SDK1: variants seen among roughly 807,000 people sequenced by gnomAD.
SDK1 encodes sidekick cell adhesion molecule 1, also known as protein sidekick-1.
A neutral mutation model predicts 245.5 loss-of-function variants in SDK1; 157 were observed. The ratio of observed to expected loss-of-function variants is 0.64; its 90% CI spans 0.56 to 0.73. The LOEUF is 0.73. SDK1 is among the 30% of genes least tolerant of loss of function. The pLI is 0.00. For synonymous variants in SDK1, 1,647 were observed against 1,278.5 expected (o/e 1.29, Z -6.15); for missense variants, 3,583 against 3,002.3 (o/e 1.19, Z -4.52).
chr7:4,191,921 A>T (rs1783230415), intron 35 of SDK1, among the ~76,000 whole-genome samples: 1 of 152,180 alleles, frequency 6.6e-6, no homozygotes, highest in Admixed American at 6.5e-5. Context: ...GTGCACCAGA[A>T]CAGCAGATTT....
intron 4 of SDK1, among the ~76,000 whole-genome samples, chr7:3,792,211 C>G (rs1156421968): frequency 6.6e-6 from 1 of 152,080 alleles, no homozygotes; most frequent in African/African-American, 2.4e-5. Context: ...CCAGACCATT[C>G]CAGCCCCCCA....
intron 35 of SDK1, among the ~76,000 whole-genome samples, chr7:4,191,545 C>T (rs966120099): frequency 1.3e-5 from 2 of 152,366 alleles, no homozygotes; most frequent in Non-Finnish European, 2.9e-5. Context: ...CTTCAGCACC[C>T]ACTTGCTCAG....
chr7:3,356,921 G>T (rs1161521386), intron 1 of SDK1, among the ~76,000 whole-genome samples: 1 of 150,942 alleles, frequency 6.6e-6, no homozygotes, highest in Non-Finnish European at 1.5e-5. Context: ...TGGGCATGGT[G>T]GTGCGTGCTT....
At chr7:3,589,450 G>A (rs1189374003) in intron 1 of SDK1, among the ~76,000 whole-genome samples, 2 of 152,200 alleles carry the variant, frequency 1.3e-5, no homozygotes, top group South Asian at 2.1e-4. Context: ...TGTCTTTTAG[G>A]TTTTGCGTAT....
intron 17 of SDK1, among the ~76,000 whole-genome samples, chr7:4,019,084 A>G (rs1217993323): frequency 6.6e-6 from 1 of 152,196 alleles, no homozygotes; most frequent in African/African-American, 2.4e-5. Context: ...CCTTCTGTAC[A>G]ACAGGGCTGG....
chr7:3,398,682 C>G (rs1023915939), intron 1 of SDK1, among the ~76,000 whole-genome samples: 16 of 150,938 alleles, frequency 1.1e-4, no homozygotes, highest in Admixed American at 9.2e-4. Context: ...TTTTTAACCT[C>G]CAGTCTTCAC....
chr7:4,162,093 T>C (rs1781171922), intron 32 of SDK1, among the ~76,000 whole-genome samples: 1 of 152,096 alleles, frequency 6.6e-6, no homozygotes, highest in African/African-American at 2.4e-5. Context: ...AGAATGAACT[T>C]GACTCCCCTT....
At chr7:3,311,188 G>T (rs1779541300) in intron 1 of SDK1, among the ~76,000 whole-genome samples, 1 of 152,074 alleles carries the variant, frequency 6.6e-6, no homozygotes, top group African/African-American at 2.4e-5. Flanking sequence ...CGATGGGCCT[G>T]GGGGGAGAGT....
chr7:3,871,684 C>T (rs1780960513), intron 5 of SDK1, among the ~76,000 whole-genome samples: 1 of 152,134 alleles, frequency 6.6e-6, no homozygotes, highest in African/African-American at 2.4e-5. Flanking sequence ...CGCCAGACTC[C>T]CTTTAACAAT....
chr7:3,381,095 G>A (rs1781476104), intron 1 of SDK1, among the ~76,000 whole-genome samples: 1 of 152,182 alleles, frequency 6.6e-6, no homozygotes, highest in Admixed American at 6.5e-5. Context: ...AGTCAAGAGT[G>A]TGATTAACAT....
In SDK1 at chr7:3,435,189, CATT is replaced by C. The variant is rs1305903998; in HGVS notation, c.298+133309_298+133311del. Among the ~76,000 whole-genome samples the C allele has an allele frequency of 4.8e-5, 7 of 145,206 alleles. 1 individual carries two copies. Among genetic ancestry groups the C allele is most frequent in the Admixed American group, 4.7e-4 (7 of 14,816 alleles). On this transcript the variant is annotated intron_variant, in intron 1 of 44. Transcript: ENST00000404826. ...ATTTTTTTTTTTGAAATCTTTTTCT[CATT>C]ATTTATGGAAGATAGTGATTGGGAG...
chr7:3,467,557 ATAAT>A (rs1781047121), intron 1 of SDK1, among the ~76,000 whole-genome samples: 1 of 152,028 alleles, frequency 6.6e-6, no homozygotes, highest in Non-Finnish European at 1.5e-5. Flanking sequence ...TAGATATTTA[ATAAT>A]TATAGTAAAT....
intron 19 of SDK1, among the ~76,000 whole-genome samples, chr7:4,061,921 G>T (rs1447183828): frequency 7.1e-6 from 1 of 140,216 alleles, no homozygotes; most frequent in African/African-American, 2.7e-5. Context: ...TCATAGGTGG[G>T]AATTGAACAG....
intron 1 of SDK1, among the ~76,000 whole-genome samples, chr7:3,480,253 A>G (rs10234204): frequency 0.38 from 58,040 of 152,038 alleles, 12,343 homozygotes; most frequent in East Asian, 0.51. Flanking sequence ...GTGAAGATGG[A>G]AGGGGGCGTG....
At chr7:4,133,365 G>A (rs1012917792) in intron 28 of SDK1, among the ~76,000 whole-genome samples, 4 of 152,322 alleles carry the variant, frequency 2.6e-5, no homozygotes, top group South Asian at 4.1e-4. Context: ...TGCAGGTGTC[G>A]TATGTACAGT....
At chr7:3,450,024 A>G (rs1780464215) in intron 1 of SDK1, among the ~76,000 whole-genome samples, 1 of 152,246 alleles carries the variant, frequency 6.6e-6, no homozygotes, top group Non-Finnish European at 1.5e-5. Flanking sequence ...TGCGCTCCAG[A>G]GGAAGAAAGG....
At chr7:3,984,962 C>T (rs1001376151) in intron 13 of SDK1, among the ~76,000 whole-genome samples, 3 of 152,236 alleles carry the variant, frequency 2.0e-5, no homozygotes, top group African/African-American at 7.2e-5. Flanking sequence ...GCATTCCTAC[C>T]ACTCTCACCG....
intron 35 of SDK1, among the ~76,000 whole-genome samples, chr7:4,201,796 A>G (rs1449485047): frequency 1.3e-5 from 2 of 152,108 alleles, no homozygotes; most frequent in African/African-American, 2.4e-5. Flanking sequence ...CTGGCATGGC[A>G]CAGGGAGGCT....
chr7:3,612,687 G>A (rs1781631772), intron 1 of SDK1, among the ~76,000 whole-genome samples: 1 of 152,218 alleles, frequency 6.6e-6, no homozygotes. Flanking sequence ...TTGAAAGGAA[G>A]ATTAGTGGTT....
Sources: gnomAD v4.1 joint callset for allele counts (sites outside exome capture counted in the v4.1 genomes callset) on GRCh38, gnomAD v4.1.1 for gene constraint, MANE v1.5 for transcripts, NCBI Gene and HGNC (gene_info 2026-07-23, HGNC 2026-07-21) for gene names.